Variants in NCOA7 observed in about 807,000 individuals in gnomAD.
NCOA7 encodes 140 kDa estrogen receptor-associated protein.
NCOA7 carries 45 observed loss-of-function variants against 104.3 expected under a neutral mutation model. The ratio of observed to expected loss-of-function variants is 0.43; its 90% confidence interval spans 0.34 to 0.55. The LOEUF (loss-of-function observed/expected upper bound fraction) is 0.55, where lower values mean the gene tolerates loss of function less well. NCOA7 is among the 20% of genes least tolerant of loss of function. NCOA7 has a pLI of 0.02. For synonymous variants in NCOA7, 398 were observed against 402.3 expected (o/e 0.99, Z 0.13); for missense variants, 1,041 against 1,119.7 (o/e 0.93, Z 1.00).
At chr6:125,881,670 CAA>C (rs397887394) in intron 6 of NCOA7, among the ~76,000 whole-genome samples, 55,486 of 89,926 alleles carry the variant, frequency 0.62, 14,288 homozygotes, top group East Asian at 0.68. Context: ...AACCCTATCT[CAA>C]AAAAAAAAAA....
intron 10 of NCOA7, among the ~76,000 whole-genome samples, chr6:125,900,175 C>T (rs2128670296): frequency 6.6e-6 from 1 of 152,326 alleles, no homozygotes; most frequent in East Asian, 1.9e-4. Context: ...AATGGGAACA[C>T]AGGCCTGGGG....
At chr6:125,891,585 G>C (rs1265181396) in intron 10 of NCOA7, among the ~76,000 whole-genome samples, 1 of 152,124 alleles carries the variant, frequency 6.6e-6, no homozygotes, top group Non-Finnish European at 1.5e-5. Flanking sequence ...CATCTAGCCA[G>C]ATATTCTGGC....
At chr6:125,858,720 C>T (rs1781801265) in intron 3 of NCOA7, among the ~76,000 whole-genome samples, 1 of 152,090 alleles carries the variant, frequency 6.6e-6, no homozygotes, top group African/African-American at 2.4e-5. Context: ...GGCATTTCCT[C>T]AGGAGAAGCC....
At chr6:125,787,748 C>T (rs942691100), upstream of NCOA7, among the ~76,000 whole-genome samples, 5 of 152,158 alleles carry the variant, frequency 3.3e-5, no homozygotes, top group African/African-American at 9.7e-5. Flanking sequence ...AAGTAACTTC[C>T]GCAGCCAAGA....
rs554394168 is a variant in NCOA7, at chr6:125,836,919, A to G, written c.51-18101A>G. Among the ~76,000 whole-genome samples the G allele has an allele frequency of 7.2e-5, 11 of 152,342 alleles. No individual in the cohort carries two copies. In the South Asian group the frequency reaches 1.0e-3, roughly 14 times the overall value. On this transcript the variant is annotated intron_variant, in intron 2 of 15. Coordinates refer to ENST00000392477, the MANE Select transcript of NCOA7 (RefSeq NM_181782.5). ...GAAGTTGGTTGCACCTGTGTGTGCC[A>G]GGTGACATATTAAGTATGAAGAAAC...
At chr6:125,790,407 G>A (rs1325689375), upstream of NCOA7, among the ~76,000 whole-genome samples, 1 of 152,242 alleles carries the variant, frequency 6.6e-6, no homozygotes, top group Admixed American at 6.5e-5. Flanking sequence ...CCAGGCGGCG[G>A]TTCGCTGGGG....
chr6:125,894,446 G>A (rs371280945), intron 10 of NCOA7, among the ~76,000 whole-genome samples: 3 of 152,148 alleles, frequency 2.0e-5, no homozygotes, highest in East Asian at 3.8e-4. Flanking sequence ...GTCTTGGGCT[G>A]AAATAATGAG....
At chr6:125,857,011 G>A (rs1781618639) in intron 3 of NCOA7, among the ~76,000 whole-genome samples, 1 of 152,174 alleles carries the variant, frequency 6.6e-6, no homozygotes, top group Non-Finnish European at 1.5e-5. Context: ...GCAGCCGAAA[G>A]CATGTGGTTT....
chr6:125,796,028 G>C (rs147884227), intron 1 of NCOA7, among the ~76,000 whole-genome samples: 68 of 152,134 alleles, frequency 4.5e-4, no homozygotes, highest in African/African-American at 1.5e-3. Flanking sequence ...CCTCTGCTTG[G>C]AACATGCTGT....
intron 2 of NCOA7, among the ~76,000 whole-genome samples, chr6:125,821,045 G>A (rs374307204): frequency 1.3e-5 from 2 of 152,120 alleles, no homozygotes; most frequent in South Asian, 2.1e-4. Context: ...TTGATGAACC[G>A]TCATGTCAAG....
chr6:125,793,534 A>C (rs905491935), intron 1 of NCOA7, among the ~76,000 whole-genome samples: 7 of 152,076 alleles, frequency 4.6e-5, no homozygotes, highest in African/African-American at 1.7e-4. Flanking sequence ...TGGTTGACTC[A>C]CTTTTGGGTC....
At chr6:125,900,072 T>C (rs1785366470) in intron 10 of NCOA7, 1 of 531,592 alleles carries the variant, frequency 1.9e-6, no homozygotes, top group Non-Finnish European at 3.9e-6. Context: ...CTGCAGGGGC[T>C]GTGGAATGGG....
intron 11 of NCOA7, 106 bp from the exon 12 acceptor site, chr6:125,920,837 G>A (rs112657623): frequency 0.022 from 30,613 of 1,412,890 alleles, 461 homozygotes; most frequent in Non-Finnish European, 0.024. Flanking sequence ...TCCTGCTGCC[G>A]AAGCGTCACC....
At chr6:125,791,253 G>C (rs978611371) in intron 1 of NCOA7, among the ~76,000 whole-genome samples, 186 bp downstream of exon 1, 1 of 152,206 alleles carries the variant, frequency 6.6e-6, no homozygotes. Context: ...GCTTGAGCTC[G>C]GGAGGCCGAG....
chr6:125,906,850 C>G (rs1326966374), intron 10 of NCOA7, among the ~76,000 whole-genome samples: 1 of 152,140 alleles, frequency 6.6e-6, no homozygotes, highest in African/African-American at 2.4e-5. Flanking sequence ...ATGAAAAGAA[C>G]ATTCCAATAA....
At position 125,921,083 on chromosome 6, in the gene NCOA7, G is replaced by A. The variant is rs780524512; in HGVS notation, c.2370+15G>A. 19 of 1,609,526 alleles carry A rather than the reference G, an allele frequency of 1.2e-5. No individual in the cohort carries two copies. Among genetic ancestry groups the A allele is most frequent in the Middle Eastern group, 1.7e-4 (1 of 6,018 alleles). On this transcript the variant is annotated intron_variant, in intron 12 of 15. Transcript: ENST00000392477. ...ACATCGAGCAGGTGGGCTCGCCCTG[G>A]CCACCAAGGGTGGGGGTTCCTAGGC...
chr6:125,888,731 T>C (rs1784422529), intron 8 of NCOA7, among the ~76,000 whole-genome samples: 1 of 152,220 alleles, frequency 6.6e-6, no homozygotes, highest in South Asian at 2.1e-4. Context: ...CTTTCTCCAT[T>C]TCCTTTAGTT....
chr6:125,891,737 A>AT (rs1784640184), intron 10 of NCOA7, among the ~76,000 whole-genome samples: 1 of 152,176 alleles, frequency 6.6e-6, no homozygotes, highest in Non-Finnish European at 1.5e-5. Flanking sequence ...GAGTTGTCTC[A>AT]TTTTAATAAA....
chr6:125,849,729 G>A (rs1780955409), intron 2 of NCOA7, among the ~76,000 whole-genome samples: 1 of 152,162 alleles, frequency 6.6e-6, no homozygotes, highest in Non-Finnish European at 1.5e-5. Context: ...GACAAGTCTT[G>A]ACTACAATTT....
Sources: allele counts gnomAD v4.1 joint callset (sites outside exome capture counted in the v4.1 genomes callset), GRCh38; gene constraint gnomAD v4.1.1; transcripts MANE v1.5; gene names NCBI Gene and HGNC (gene_info 2026-07-23, HGNC 2026-07-21).